ANTXR2: variants seen among roughly 807,000 people sequenced by gnomAD.
ANTXR2 encodes anthrax toxin receptor 2.
A neutral mutation model predicts 73.7 loss-of-function variants in ANTXR2; 44 were observed. The observed-to-expected ratio is 0.60, with a 90% confidence interval of 0.47 to 0.77. The LOEUF is 0.77. ANTXR2 is among the 30% of genes least tolerant of loss of function. ANTXR2 has a pLI of 0.00. For synonymous variants in ANTXR2, 217 were observed against 205.9 expected (o/e 1.05, Z -0.46); for missense variants, 604 against 592.5 (o/e 1.02, Z -0.20).
intron 10 of ANTXR2, among the ~76,000 whole-genome samples, chr4:80,026,253 T>C (rs1732434087): frequency 6.6e-6 from 1 of 152,102 alleles, no homozygotes; most frequent in Non-Finnish European, 1.5e-5. Context: ...TCTGATGGTT[T>C]TAAAAGTGGC....
At chr4:80,051,104 A>C (rs943102794) in intron 7 of ANTXR2, among the ~76,000 whole-genome samples, 4 of 151,696 alleles carry the variant, frequency 2.6e-5, no homozygotes, top group African/African-American at 9.7e-5. Flanking sequence ...GTCAGAGTCC[A>C]GTTCAAATTT....
intron 16 of ANTXR2, among the ~76,000 whole-genome samples, chr4:79,927,126 A>G (rs898677304): frequency 6.6e-6 from 1 of 151,708 alleles, no homozygotes; most frequent in Admixed American, 6.6e-5. Flanking sequence ...ATTTACGACA[A>G]CAGATGAATC....
At chr4:80,043,489 T>G (rs1342613303) in intron 7 of ANTXR2, among the ~76,000 whole-genome samples, 1 of 152,050 alleles carries the variant, frequency 6.6e-6, no homozygotes, top group Non-Finnish European at 1.5e-5. Context: ...GCTGATGGGA[T>G]AATAACATTA....
At chr4:80,025,733 T>C (rs1017217796) in intron 10 of ANTXR2, among the ~76,000 whole-genome samples, 10 of 152,172 alleles carry the variant, frequency 6.6e-5, no homozygotes, top group African/African-American at 2.4e-4. Flanking sequence ...TAGTAATTAG[T>C]TTATATGTAA....
rs189313896 is a variant in ANTXR2, at chr4:80,030,455, A to T, written c.866+1168T>A. 2.4e-4 allele frequency among the ~76,000 whole-genome samples: 36 copies of T among 152,220 alleles called. No individual in the cohort carries two copies. In the East Asian group the frequency reaches 7.0e-3, roughly 29 times the overall value. On this transcript the variant is annotated intron_variant, in intron 10 of 16. Coordinates refer to ENST00000403729, the MANE Select transcript of ANTXR2 (RefSeq NM_058172.6). ...GTGTGCTTGGGGTTAAGATGGCTCCACAAGAAACTGACTTGCCTCAAATTC... is the reference window on the plus strand; with the variant it reads ...GTGTGCTTGGGGTTAAGATGGCTCCTCAAGAAACTGACTTGCCTCAAATTC...
chr4:80,026,368 G>A (rs1732440608), intron 10 of ANTXR2, among the ~76,000 whole-genome samples: 1 of 152,152 alleles, frequency 6.6e-6, no homozygotes, highest in African/African-American at 2.4e-5. Flanking sequence ...CCCCAGTCAT[G>A]TAAAACTGTG....
intron 7 of ANTXR2, among the ~76,000 whole-genome samples, chr4:80,043,222 CAT>C (rs1733358935): frequency 6.6e-6 from 1 of 151,570 alleles, no homozygotes; most frequent in African/African-American, 2.4e-5. Flanking sequence ...TTTTAAAAAA[CAT>C]ATTGAGTTCT....
In ANTXR2 at chr4:79,967,069, G is replaced by A. The variant is rs1729400647; in HGVS notation, c.1428+10552C>T. ...GCAGGCCAGTGTGTGTGCGCACCGT[G>A]CGCGAGCCGAAGCAGGGCGAGGAAT... On this transcript the variant is annotated intron_variant, in intron 16 of 16. Transcript: ENST00000403729. 2.8e-5 allele frequency among the ~76,000 whole-genome samples: 2 copies of A among 72,108 alleles called. 1 individual carries two copies. Among genetic ancestry groups the A allele is most frequent in the Non-Finnish European group, 6.8e-5 (2 of 29,604 alleles). The allele number at this position is 72,108 out of a possible 152,430, so 47.3% of individuals were successfully genotyped here. A position where few individuals can be genotyped will look rare whatever the true frequency, so the allele number is the denominator to read the frequency against.
chr4:79,930,702 C>G lies in ANTXR2; in HGVS notation c.1429-23235G>C, dbSNP rs537661808. Among the ~76,000 whole-genome samples, 3 of 152,242 alleles carry G rather than the reference C, an allele frequency of 2.0e-5. 1 individual carries two copies. The South Asian group carries it at 6.2e-4, about 32-fold the overall frequency. The stretch of plus-strand genomic sequence containing the variant: ...ATTACCTCCCACTAACGTGTAGTAC[C>G]CATCTTTAGCAGCCCCTCTGCCCCA... On this transcript the variant is annotated intron_variant, in intron 16 of 16. Transcript: ENST00000403729.
chr4:80,015,205 A>C (rs1731780964), intron 11 of ANTXR2, among the ~76,000 whole-genome samples: 1 of 152,140 alleles, frequency 6.6e-6, no homozygotes. Context: ...TCACTTACAC[A>C]ACATGTCTAC....
intron 12 of ANTXR2, among the ~76,000 whole-genome samples, chr4:79,991,904 C>T (rs995621066): frequency 7.9e-5 from 12 of 151,920 alleles, no homozygotes; most frequent in African/African-American, 2.9e-4. Context: ...GGAAGCTGCA[C>T]ATTGAGTACA....
chr4:80,039,942 T>G (rs1052539463), intron 7 of ANTXR2, among the ~76,000 whole-genome samples: 2 of 151,932 alleles, frequency 1.3e-5, no homozygotes, highest in African/African-American at 4.8e-5. Flanking sequence ...GCCATAAAAA[T>G]GAATGAAATA....
intron 10 of ANTXR2, 40 bp downstream of exon 10, chr4:80,031,583 A>G: frequency 7.5e-7 from 1 of 1,337,138 alleles, no homozygotes; most frequent in Non-Finnish European, 1.0e-6. Flanking sequence ...ATAATTTTTT[A>G]CTAAAAATGT....
chr4:79,953,423 T>C (rs1728780155), intron 16 of ANTXR2, among the ~76,000 whole-genome samples: 1 of 152,134 alleles, frequency 6.6e-6, no homozygotes, highest in African/African-American at 2.4e-5. Flanking sequence ...AAGTCTAAAA[T>C]GATGAAAGAT....
At chr4:79,951,936 G>A (rs753903737) in intron 16 of ANTXR2, among the ~76,000 whole-genome samples, 7 of 152,014 alleles carry the variant, frequency 4.6e-5, no homozygotes, top group African/African-American at 7.2e-5. Context: ...ATTATTTTAC[G>A]TTGTATATGT....
At chr4:79,986,210 C>T (rs537434689) in intron 12 of ANTXR2, among the ~76,000 whole-genome samples, 2 of 152,176 alleles carry the variant, frequency 1.3e-5, no homozygotes, top group African/African-American at 4.8e-5. Context: ...AAATCTTTGA[C>T]CAAGTGTCAA....
intron 3 of ANTXR2, among the ~76,000 whole-genome samples, chr4:80,058,600 A>G (rs544861578): frequency 6.6e-6 from 1 of 151,896 alleles, no homozygotes; most frequent in African/African-American, 2.4e-5. Flanking sequence ...AAGTTTTTCA[A>G]TTGGTAAACA....
rs774721794 is a variant in ANTXR2 at position 80,069,534 on chromosome 4, A to C, written c.225-27T>G. On this transcript the variant is annotated intron_variant, in intron 2 of 16. Coordinates refer to ENST00000403729, the MANE Select transcript of ANTXR2 (RefSeq NM_058172.6). ...TGCAAAATAAGAAAAGAGGCAGTTA[A>C]AACATTTTTAAAAAGAAATATTGAT... The C allele has an allele frequency of 2.0e-6, 3 of 1,509,478 alleles. No individual in the cohort carries two copies. In the East Asian group the frequency reaches 7.0e-5, roughly 35 times the overall value. The allele number at this position is 1,509,478 out of a possible 1,614,324, so 93.5% of individuals were successfully genotyped here. A position where few individuals can be genotyped will look rare whatever the true frequency, so the allele number is the denominator to read the frequency against.
intron 16 of ANTXR2, among the ~76,000 whole-genome samples, chr4:79,973,176 AG>A (rs1729496337): frequency 6.6e-6 from 1 of 152,242 alleles, no homozygotes; most frequent in Non-Finnish European, 1.5e-5. Flanking sequence ...AAACCAAAAT[AG>A]TATGGTTTCC....
Sources: gnomAD v4.1 joint callset for allele counts (sites outside exome capture counted in the v4.1 genomes callset) on GRCh38, gnomAD v4.1.1 for gene constraint, MANE v1.5 for transcripts, NCBI Gene and HGNC (gene_info 2026-07-23, HGNC 2026-07-21) for gene names.